ANKS1B: variants seen among roughly 807,000 people sequenced by gnomAD.
ANKS1B encodes ankyrin repeat and sterile alpha motif domain-containing protein 1B.
ANKS1B carries 36 observed loss-of-function variants against 148.3 expected under a neutral mutation model. That is an observed-to-expected ratio of 0.24 (90% CI 0.19 to 0.32). ANKS1B has a LOEUF of 0.32. Ranked by LOEUF, ANKS1B falls within the 10% of genes least tolerant of loss-of-function variation. The probability of loss-of-function intolerance (pLI) is 1.00; values close to 1 mark genes in which losing one functional copy is unlikely to be tolerated. For missense variants in ANKS1B, 1,157 were observed against 1,542.6 expected (o/e 0.75, Z 4.19); for synonymous variants, 542 against 560.8 (o/e 0.97, Z 0.47).
At chr12:99,359,683 A>C (rs1336179739) in intron 12 of ANKS1B, among the ~76,000 whole-genome samples, 1 of 152,134 alleles carries the variant, frequency 6.6e-6, no homozygotes, top group Admixed American at 6.6e-5. Context: ...GGAATGCAAA[A>C]TATGATGTCA....
At chr12:98,810,292 G>A (rs752162871) in intron 19 of ANKS1B, among the ~76,000 whole-genome samples, 1 of 152,200 alleles carries the variant, frequency 6.6e-6, no homozygotes, top group Non-Finnish European at 1.5e-5. Context: ...AGGGCTAACT[G>A]TAATATATCT....
intron 12 of ANKS1B, among the ~76,000 whole-genome samples, chr12:99,312,322 A>T (rs1039581324): frequency 6.6e-6 from 1 of 152,194 alleles, no homozygotes; most frequent in Non-Finnish European, 1.5e-5. Flanking sequence ...TCATTTTATC[A>T]TATGAAAGTG....
rs542887972 is a variant in ANKS1B at position 99,575,361 on chromosome 12, C to T, written c.1273-70720G>A. On this transcript the variant is annotated intron_variant, in intron 9 of 26. Transcript: ENST00000683438. ...AATGATAAGGGAATTCTTACCACCA[C>T]GCCTGCCTTACAAAATGTCCTTAAG... 7.2e-5 allele frequency among the ~76,000 whole-genome samples: 11 copies of T among 152,204 alleles called. No individual in the cohort carries two copies. The South Asian group carries it at 8.3e-4, about 11-fold the overall frequency.
intron 10 of ANKS1B, among the ~76,000 whole-genome samples, chr12:99,492,112 C>T (rs910812499): frequency 1.3e-5 from 2 of 151,906 alleles, no homozygotes; most frequent in Non-Finnish European, 2.9e-5. Flanking sequence ...GCAACAAATC[C>T]AGGAGCTGAT....
chr12:98,943,877 CAGCGTTGCAGGTAGGACCTCCTGGG>C (rs1241777401), intron 17 of ANKS1B, among the ~76,000 whole-genome samples: 1 of 152,166 alleles, frequency 6.6e-6, no homozygotes, highest in Admixed American at 6.5e-5. Flanking sequence ...ATGTAATCTC[CAGCGTTGCAGGTAGGACCTCCTGGG>C]AGGTGTTGGG....
At chr12:99,397,988 A>G (rs1204495644) in intron 12 of ANKS1B, among the ~76,000 whole-genome samples, 2 of 152,108 alleles carry the variant, frequency 1.3e-5, no homozygotes, top group Non-Finnish European at 2.9e-5. Context: ...ATGTTCAGCA[A>G]AGAAAGCCAG....
At chr12:98,761,498 C>T (rs1360914198) in intron 25 of ANKS1B, among the ~76,000 whole-genome samples, 2 of 152,218 alleles carry the variant, frequency 1.3e-5, no homozygotes, top group Non-Finnish European at 2.9e-5. Context: ...GAGAGCCCAG[C>T]TCCCATACCT....
At chr12:99,581,293 G>A (rs2097567296) in intron 9 of ANKS1B, among the ~76,000 whole-genome samples, 1 of 151,954 alleles carries the variant, frequency 6.6e-6, no homozygotes, top group Non-Finnish European at 1.5e-5. Context: ...TGACACCAAG[G>A]TAATTAAATA....
intron 14 of ANKS1B, among the ~76,000 whole-genome samples, chr12:99,216,752 T>C (rs1262966830): frequency 6.6e-6 from 1 of 152,194 alleles, no homozygotes; most frequent in African/African-American, 2.4e-5. Flanking sequence ...CATCATGCCT[T>C]CCAGGATTTC....
chr12:99,183,356 C>A (rs1243121583), intron 14 of ANKS1B, among the ~76,000 whole-genome samples: 4 of 152,168 alleles, frequency 2.6e-5, no homozygotes, highest in African/African-American at 9.6e-5. Context: ...CAATAAGAAT[C>A]ATTGGTCTTA....
At chr12:99,471,677 CGCTCTTTAAAGT>C (rs979325831) in intron 10 of ANKS1B, among the ~76,000 whole-genome samples, 2 of 151,808 alleles carry the variant, frequency 1.3e-5, no homozygotes, top group African/African-American at 4.8e-5. Flanking sequence ...CACATACACA[CGCTCTTTAAAGT>C]GCTTTGAAGT....
chr12:99,947,024 A>C (rs1479642747), intron 1 of ANKS1B, among the ~76,000 whole-genome samples: 1 of 152,172 alleles, frequency 6.6e-6, no homozygotes, highest in Non-Finnish European at 1.5e-5. Flanking sequence ...TGACTACAGG[A>C]AAATGGCCAA....
At chr12:98,791,540 T>C (rs535919755) in intron 22 of ANKS1B, among the ~76,000 whole-genome samples, 1 of 146,710 alleles carries the variant, frequency 6.8e-6, no homozygotes, top group African/African-American at 2.5e-5. Flanking sequence ...TTCCATGAAA[T>C]TGGGCAACAG....
intron 12 of ANKS1B, among the ~76,000 whole-genome samples, chr12:99,332,401 C>A (rs1043773071): frequency 1.3e-5 from 2 of 152,028 alleles, no homozygotes; most frequent in Admixed American, 1.3e-4. Context: ...AACACAGGCC[C>A]TATTCTCAAG....
At chr12:99,494,506 G>A (rs1373636520) in intron 10 of ANKS1B, among the ~76,000 whole-genome samples, 2 of 151,980 alleles carry the variant, frequency 1.3e-5, no homozygotes, top group Non-Finnish European at 2.9e-5. Flanking sequence ...GGCCGAGGTG[G>A]GCGGGTTACG....
chr12:99,224,447 G>A (rs2085568220), intron 14 of ANKS1B, among the ~76,000 whole-genome samples: 1 of 152,080 alleles, frequency 6.6e-6, no homozygotes, highest in Non-Finnish European at 1.5e-5. Context: ...CTGTTCTTAC[G>A]ATAGTGAGTG....
chr12:99,081,357 C>T (rs1403849203), intron 16 of ANKS1B, among the ~76,000 whole-genome samples: 1 of 152,156 alleles, frequency 6.6e-6, no homozygotes, highest in Non-Finnish European at 1.5e-5. Context: ...AATATTTCTT[C>T]TCATGACAGA....
intron 17 of ANKS1B, among the ~76,000 whole-genome samples, chr12:98,923,304 A>G (rs921830757): frequency 2.0e-5 from 3 of 152,172 alleles, no homozygotes; most frequent in African/African-American, 7.2e-5. Context: ...CTCACCAGAC[A>G]CAGCTGCCTA....
At chr12:99,353,312 T>C (rs1288368943) in intron 12 of ANKS1B, among the ~76,000 whole-genome samples, 1 of 152,086 alleles carries the variant, frequency 6.6e-6, no homozygotes, top group Non-Finnish European at 1.5e-5. Flanking sequence ...TATAAATTTA[T>C]GAAGGAGAGT....
Sources: gnomAD v4.1 joint callset for allele counts (sites outside exome capture counted in the v4.1 genomes callset) on GRCh38, gnomAD v4.1.1 for gene constraint, MANE v1.5 for transcripts, NCBI Gene and HGNC (gene_info 2026-07-23, HGNC 2026-07-21) for gene names.